RXRA: variants seen among roughly 807,000 people sequenced by gnomAD.
The protein encoded by RXRA is retinoic acid receptor RXR-alpha.
In RXRA, 5 loss-of-function variants were observed where a neutral mutation model predicts 44.5. The observed-to-expected ratio is 0.11, with a 90% CI of 0.06 to 0.24. RXRA has a LOEUF of 0.24. Among genes scored for constraint, RXRA ranks in the 10% least tolerant of loss-of-function variants. The pLI, the probability that RXRA is intolerant of heterozygous loss-of-function variation, is 1.00. For missense variants in RXRA, 412 were observed against 646.5 expected (o/e 0.64, Z 3.93); for synonymous variants, 291 against 271.4 (o/e 1.07, Z -0.71).
intron 7 of RXRA, among the ~76,000 whole-genome samples, chr9:134,431,692 G>C (rs1164700331): frequency 1.3e-5 from 2 of 151,932 alleles, no homozygotes; most frequent in Non-Finnish European, 2.9e-5. Flanking sequence ...CCACCCTCCG[G>C]GCAGGGCCAG....
chr9:134,409,041 C>A lies in RXRA; in HGVS notation c.532C>A (p.Leu178Met). Reference protein sequence around the residue: ...TYTCRDNKDCLIDKRQRNRCQ... With the variant: ...TYTCRDNKDCMIDKRQRNRCQ... ...CACCTGCCGCGACAACAAGGACTGC[C>A]TGATTGACAAGCGGCAGCGGAACCG... Residue 178 changes from leucine (L) to methionine (M), a missense_variant, in exon 4 of 10, where the codon CTG (leucine) becomes ATG (methionine). Coordinates refer to ENST00000481739, the MANE Select transcript of RXRA (RefSeq NM_002957.6). 1 of 1,612,272 alleles carries A rather than the reference C, an allele frequency of 6.2e-7. No individual in the cohort carries two copies.
intron 4 of RXRA, among the ~76,000 whole-genome samples, chr9:134,409,743 C>T (rs556261151): frequency 7.9e-5 from 12 of 152,292 alleles, no homozygotes; most frequent in Admixed American, 2.0e-4. Context: ...TCAGGTTTGG[C>T]GATTCCTGGC....
chr9:134,330,812 G>A (rs1834993376), intron 1 of RXRA, among the ~76,000 whole-genome samples: 1 of 152,218 alleles, frequency 6.6e-6, no homozygotes, highest in Admixed American at 6.5e-5. Context: ...TGGGGCTTTG[G>A]CTGTCCATCT....
intron 1 of RXRA, among the ~76,000 whole-genome samples, chr9:134,328,449 G>A (rs187620054): frequency 6.6e-6 from 1 of 152,014 alleles, no homozygotes; most frequent in Non-Finnish European, 1.5e-5. Context: ...CTGCCCCAGG[G>A]ATCTCCCTGG....
At chr9:134,394,331 C>T (rs538326812) in intron 1 of RXRA, among the ~76,000 whole-genome samples, 68 of 130,580 alleles carry the variant, frequency 5.2e-4, no homozygotes, top group African/African-American at 2.0e-3. Flanking sequence ...ACAGACATTG[C>T]TTTAAGCTGA....
At chr9:134,334,932 A>G (rs914558832) in intron 1 of RXRA, among the ~76,000 whole-genome samples, 6 of 152,164 alleles carry the variant, frequency 3.9e-5, no homozygotes, top group Non-Finnish European at 5.9e-5. Flanking sequence ...TGCAGCTTAT[A>G]ATGGGGAAGA....
chr9:134,422,339 AC>A lies in RXRA; in HGVS notation c.910+539del, dbSNP rs1175108009. ...GGACACTCCCCACTCCTGGGACACT[AC>A]CCCCTCCCGGGACACACTCCCCGCT... On this transcript the variant is annotated intron_variant, in intron 6 of 9. Coordinates refer to ENST00000481739, the MANE Select transcript of RXRA (RefSeq NM_002957.6). 12 of 1,120,626 alleles carry A rather than the reference AC, an allele frequency of 1.1e-5. No individual in the cohort carries two copies. The African/African-American group carries it at 2.2e-4, about 21-fold the overall frequency. 69.4% of individuals were successfully genotyped at this position (1,120,626 alleles called of 1,614,324 possible).
In RXRA at chr9:134,342,571, TAAC is replaced by T. The variant is rs1159044914; in HGVS notation, c.28+15914_28+15916del. 1.3e-5 allele frequency among the ~76,000 whole-genome samples: 2 copies of T among 152,102 alleles called. No individual in the cohort carries two copies. Among genetic ancestry groups the T allele is most frequent in the Non-Finnish European group, 2.9e-5 (2 of 68,004 alleles). On this transcript the variant is annotated intron_variant, in intron 1 of 9. Coordinates refer to ENST00000481739, the MANE Select transcript of RXRA (RefSeq NM_002957.6). The surrounding 1 kb of genome is among the most constrained non-coding windows in gnomAD (Gnocchi z 4.4). ...CAGTGGGTTGGTGCAGGCAGAGTGG[TAAC>T]AGCAAGCTGTGGGCAAGGGACTGCT...
intron 6 of RXRA, chr9:134,422,076 C>G (rs1831345665): frequency 2.2e-6 from 3 of 1,353,576 alleles, no homozygotes; most frequent in African/African-American, 1.5e-5. Context: ...GGACGCTCCC[C>G]TCTCCCAGGA....
Position 134,414,789 on chromosome 9 carries a change from C to G in RXRA, c.611-2369C>G, listed in dbSNP as rs34541545. On this transcript the variant is annotated intron_variant, in intron 4 of 9. Coordinates refer to ENST00000481739, the MANE Select transcript of RXRA (RefSeq NM_002957.6). ...AGTGGAGGTGCCGTACCCCTCAGCT[C>G]AGATGCTGGCTGAGATCTGCGTGTG... Among the ~76,000 whole-genome samples the G allele has an allele frequency of 1.6e-3, 246 of 152,332 alleles. 1 individual carries two copies. Among genetic ancestry groups the G allele is most frequent in the African/African-American group, 5.8e-3 (242 of 41,570 alleles).
At chr9:134,434,861 C>T (rs868189990) in intron 9 of RXRA, among the ~76,000 whole-genome samples, 53 of 101,824 alleles carry the variant, frequency 5.2e-4, no homozygotes, top group Admixed American at 2.8e-3. Context: ...GACTGTGGGG[C>T]GGGGAGGGGG....
At chr9:134,336,410 C>T (rs782577333) in intron 1 of RXRA, among the ~76,000 whole-genome samples, 6 of 152,200 alleles carry the variant, frequency 3.9e-5, no homozygotes, top group South Asian at 2.1e-4. Context: ...GCTCACAGCC[C>T]GGGTCTTCTC....
chr9:134,387,097 G>A (rs949615367), intron 1 of RXRA, among the ~76,000 whole-genome samples: 3 of 152,224 alleles, frequency 2.0e-5, no homozygotes, highest in African/African-American at 7.2e-5. Context: ...GTGGGTGAGA[G>A]GGGAGACATA....
rs1161899691 is a variant in RXRA, at chr9:134,437,997, C to A, written c.*1383C>A. 1 of 152,568 alleles carries A rather than the reference C, an allele frequency of 6.6e-6. No homozygotes were observed. Among genetic ancestry groups the A allele is most frequent in the Non-Finnish European group, 1.5e-5 (1 of 68,200 alleles). 9.5% of individuals were successfully genotyped at this position (152,568 alleles called of 1,614,324 possible). A position where few individuals can be genotyped will look rare whatever the true frequency, so the allele number is the denominator to read the frequency against. On this transcript the variant is annotated 3_prime_UTR_variant, in exon 10 of 10. Coordinates refer to ENST00000481739, the MANE Select transcript of RXRA (RefSeq NM_002957.6). ...CTGGCGCTCCTCCCGCAGGCTCTGC[C>A]CCCGGGCTCCGGTGGTGCGGGGCCC... is the stretch of plus-strand genomic sequence containing the variant.
rs557243245 is a variant in RXRA at position 134,438,803 on chromosome 9, G to C, written c.*2189G>C. On this transcript the variant is annotated 3_prime_UTR_variant, in exon 10 of 10. Coordinates refer to ENST00000481739, the MANE Select transcript of RXRA (RefSeq NM_002957.6). ...AGCCCAGGGACGGGGCCTCCGTTGC[G>C]GGGGGTCGGCTGCTTCTTGGGAACT... 3 of 152,434 alleles carry C rather than the reference G, an allele frequency of 2.0e-5. No individual in the cohort carries two copies. Among genetic ancestry groups the C allele is most frequent in the African/African-American group, 7.2e-5 (3 of 41,422 alleles). 9.4% of individuals were successfully genotyped at this position (152,434 alleles called of 1,614,324 possible). A position where few individuals can be genotyped will look rare whatever the true frequency, so the allele number is the denominator to read the frequency against.
Position 134,432,597 on chromosome 9 carries a change from C to G in RXRA, c.1135+601C>G, listed in dbSNP as rs34811224. Among the ~76,000 whole-genome samples, 838 of 152,366 alleles carry G rather than the reference C, an allele frequency of 5.5e-3. 5 individuals carry two copies. Among genetic ancestry groups the G allele is most frequent in the African/African-American group, 0.019 (770 of 41,592 alleles). The stretch of plus-strand genomic sequence containing the variant: ...TCCTAGGTGCTACTCCTTCGCCCAA[C>G]AAGTGCTGACACGTGCCTGTTTGCT... On this transcript the variant is annotated intron_variant, in intron 8 of 9. Coordinates refer to ENST00000481739, the MANE Select transcript of RXRA (RefSeq NM_002957.6).
chr9:134,344,878 A>G (rs1363440518), intron 1 of RXRA, among the ~76,000 whole-genome samples: 1 of 152,134 alleles, frequency 6.6e-6, no homozygotes, highest in African/African-American at 2.4e-5. Flanking sequence ...GGTGGTAGTG[A>G]TGGGACGCAG....
intron 1 of RXRA, among the ~76,000 whole-genome samples, chr9:134,383,694 A>G (rs575705489): frequency 6.6e-6 from 1 of 152,152 alleles, no homozygotes; most frequent in South Asian, 2.1e-4. Flanking sequence ...CTGAGTTGGC[A>G]GTTAGCATGG....
At chr9:134,345,440 C>T (rs1270900669) in intron 1 of RXRA, among the ~76,000 whole-genome samples, 3 of 152,196 alleles carry the variant, frequency 2.0e-5, no homozygotes, top group African/African-American at 2.4e-5. Context: ...CATGGATCCT[C>T]GTGGAGGGTT....
Sources: gnomAD v4.1 joint callset for allele counts (sites outside exome capture counted in the v4.1 genomes callset) on GRCh38, gnomAD v4.1.1 for gene constraint, Gnocchi (gnomAD v3.1) non-coding constraint, MANE v1.5 for transcripts, NCBI Gene and HGNC (gene_info 2026-07-23, HGNC 2026-07-21) for gene names.